Variants in ARSB observed in about 807,000 individuals in gnomAD.
ARSB encodes arylsulfatase B, also known as N-acetylgalactosamine-4-sulfatase.
ARSB carries 41 observed loss-of-function variants against 50.9 expected under a neutral mutation model. The ratio of observed to expected loss-of-function variants is 0.81; its 90% CI spans 0.63 to 1.04. The LOEUF (loss-of-function observed/expected upper bound fraction) is 1.04. Among genes scored for constraint, ARSB ranks in the 50% least tolerant of loss-of-function variants. ARSB has a pLI of 0.00. For synonymous variants in ARSB, 269 were observed against 284.8 expected, an observed-to-expected ratio of 0.94 and a Z score of 0.56; for missense variants, 672 against 693.3, an observed-to-expected ratio of 0.97 and a Z score of 0.35.
intron 4 of ARSB, among the ~76,000 whole-genome samples, chr5:78,927,190 T>G (rs1750094222): frequency 6.6e-6 from 1 of 152,220 alleles, no homozygotes; most frequent in African/African-American, 2.4e-5. Flanking sequence ...AATAATATAT[T>G]TTATTCAACC....
intron 4 of ARSB, among the ~76,000 whole-genome samples, chr5:78,906,185 T>C (rs79317440): frequency 6.6e-6 from 1 of 150,610 alleles, no homozygotes; most frequent in Non-Finnish European, 1.5e-5. Context: ...AAAAAAAAAT[T>C]AGCCAAGTGT....
intron 1 of ARSB, among the ~76,000 whole-genome samples, chr5:78,971,055 T>C (rs1752433618): frequency 1.3e-5 from 2 of 152,080 alleles, no homozygotes; most frequent in Admixed American, 6.6e-5. Flanking sequence ...CTTGGAGAAA[T>C]CCGGGGTAAG....
chr5:78,978,982 C>T (rs572656565), intron 1 of ARSB, among the ~76,000 whole-genome samples: 13 of 152,148 alleles, frequency 8.5e-5, no homozygotes, highest in African/African-American at 2.2e-4. Flanking sequence ...GTAAGTTGTA[C>T]ATAAAAATTT....
chr5:78,804,211 A>C (rs575047009), intron 6 of ARSB, among the ~76,000 whole-genome samples: 4 of 150,676 alleles, frequency 2.7e-5, no homozygotes, highest in Non-Finnish European at 5.9e-5. Context: ...AAAATGTGGA[A>C]TGAAAAAAAA....
At chr5:78,865,112 GAC>G (rs1746652187) in intron 5 of ARSB, among the ~76,000 whole-genome samples, 1 of 152,066 alleles carries the variant, frequency 6.6e-6, no homozygotes, top group Non-Finnish European at 1.5e-5. Flanking sequence ...GCTCCACTAG[GAC>G]TCCGTATAGG....
At position 78,885,747 on chromosome 5, in the gene ARSB, G is replaced by T. The variant is rs773492223; in HGVS notation, c.979C>A (p.Arg327=). 7.4e-6 allele frequency: 12 copies of T among 1,614,038 alleles called. No individual in the cohort carries two copies. In the Admixed American group the frequency reaches 2.0e-4, roughly 27 times the overall value. The change falls in exon 5 of 8, where the codon CGA becomes AGA. Residue 327 remains arginine (R), a synonymous_variant. Coordinates refer to ENST00000264914, the MANE Select transcript of ARSB (RefSeq NM_000046.5). ...GGGCTTGCCACAAAGCCCACCCCTC[G>T]GACGCCTCCTTCCCACAGGCTCCAT... ...RKWSLWEGGV[R]GVGFVASPLL...
chr5:78,962,488 C>A (rs1319485675), intron 3 of ARSB, among the ~76,000 whole-genome samples: 1 of 150,722 alleles, frequency 6.6e-6, no homozygotes, highest in East Asian at 1.9e-4. Flanking sequence ...TGAGGACAGA[C>A]ACCTCTATCT....
At chr5:78,842,287 T>C (rs1745257753) in intron 5 of ARSB, among the ~76,000 whole-genome samples, 4 of 152,210 alleles carry the variant, frequency 2.6e-5, no homozygotes, top group African/African-American at 9.6e-5. Flanking sequence ...GGGTGGGTGA[T>C]GAGAAGTCTC....
At chr5:78,841,613 A>G (rs980665221) in intron 5 of ARSB, among the ~76,000 whole-genome samples, 3 of 152,214 alleles carry the variant, frequency 2.0e-5, no homozygotes, top group African/African-American at 7.2e-5. Context: ...AGTAGAGTTC[A>G]CTGTAATACC....
chr5:78,873,170 C>T (rs942251724), intron 5 of ARSB, among the ~76,000 whole-genome samples: 1 of 151,960 alleles, frequency 6.6e-6, no homozygotes. Flanking sequence ...TCATCAACTG[C>T]CAATATTAAA....
rs1403661888 is a variant in ARSB at position 78,780,428 on chromosome 5, T to C, written c.1571A>G (p.Lys524Arg). Residue 524 changes from lysine (K) to arginine (R), a missense_variant, in exon 8 of 8, where the codon AAG becomes AGG. Coordinates refer to ENST00000264914, the MANE Select transcript of ARSB (RefSeq NM_000046.5). ...CCAAGGGCCCCACACCCCAGTGGCC[T>C]TGGGATCACAGCGGGGGTCCTGTGC... ...FPAQDPRCDP[K>R]ATGVWGPWM 1.2e-6 allele frequency: 2 copies of C among 1,614,160 alleles called. No individual in the cohort carries two copies. Among genetic ancestry groups the C allele is most frequent in the South Asian group, 1.1e-5 (1 of 91,090 alleles).
chr5:78,964,452 C>T lies in ARSB; in HGVS notation c.654G>A (p.Arg218=), dbSNP rs2112513773. Residue 218 remains arginine, a synonymous_variant, in exon 3 of 8, where the codon AGG becomes AGA. Transcript: ENST00000264914. ...GATGGTTAGTTATGAGGGCTATAGC[C>T]CTTTTGGTGAATATGTTTGTTGAAT... The part of the protein sequence containing the change: ...NMYSTNIFTK[R]AIALITNHPP... 1 of 1,613,928 alleles carries T rather than the reference C, an allele frequency of 6.2e-7. No individual in the cohort carries two copies. Among genetic ancestry groups the T allele is most frequent in the Non-Finnish European group, 8.5e-7 (1 of 1,179,898 alleles).
intron 6 of ARSB, among the ~76,000 whole-genome samples, chr5:78,802,667 A>C (rs1038638763): frequency 8.5e-5 from 13 of 152,228 alleles, no homozygotes; most frequent in African/African-American, 2.9e-4. Context: ...GAAACTAATT[A>C]GAGAGATAAT....
rs1161346299 is a variant in ARSB, at chr5:78,777,474, A to G, written c.*2923T>C. The stretch of plus-strand genomic sequence containing the variant: ...ATGGCTGACACATTTTAAAAGATTA[A>G]TTTTATTTTGTCCCCCAAATCTGGG... On this transcript the variant is annotated 3_prime_UTR_variant, in exon 8 of 8. Transcript: ENST00000264914. 2.0e-5 allele frequency: 3 copies of G among 152,576 alleles called. No individual in the cohort carries two copies. The highest frequency in any genetic ancestry group is 7.2e-5 in the African/African-American group (3 of 41,416). The allele number at this position is 152,576 out of a possible 1,614,324, so 9.5% of individuals were successfully genotyped here.
intron 5 of ARSB, among the ~76,000 whole-genome samples, chr5:78,873,151 A>G (rs891011742): frequency 5.3e-5 from 8 of 152,236 alleles, no homozygotes; most frequent in African/African-American, 1.9e-4. Context: ...TGAATTAAAT[A>G]TAATGAAATC....
At chr5:78,892,248 CTTTTTTTTTTTTTT>C (rs34960858) in intron 4 of ARSB, among the ~76,000 whole-genome samples, 7 of 87,228 alleles carry the variant, frequency 8.0e-5, no homozygotes, top group African/African-American at 3.1e-4. Context: ...ATTCTCTATT[CTTTTTTTTTTTTTT>C]TTTTTTTTTT....
chr5:78,820,856 C>T (rs920519617), intron 6 of ARSB, among the ~76,000 whole-genome samples: 3 of 151,958 alleles, frequency 2.0e-5, no homozygotes, highest in Admixed American at 6.6e-5. Flanking sequence ...GGCTCACTAG[C>T]CCCTGGTTGA....
At chr5:78,962,334 C>CT (rs1477859207) in intron 3 of ARSB, among the ~76,000 whole-genome samples, 16 of 152,134 alleles carry the variant, frequency 1.1e-4, no homozygotes, top group Admixed American at 1.0e-3. Flanking sequence ...TTCCAATTAT[C>CT]TGAATATTTG....
intron 4 of ARSB, among the ~76,000 whole-genome samples, chr5:78,922,752 T>C (rs1364823431): frequency 1.3e-5 from 2 of 151,794 alleles, no homozygotes; most frequent in African/African-American, 2.4e-5. Context: ...AGCTGACTCT[T>C]GATATCCCTG....
Sources: gnomAD v4.1 joint callset for allele counts (sites outside exome capture counted in the v4.1 genomes callset) on GRCh38, gnomAD v4.1.1 for gene constraint, MANE v1.5 for transcripts, NCBI Gene and HGNC (gene_info 2026-07-23, HGNC 2026-07-21) for gene names.